NAV3: variants seen among roughly 807,000 people sequenced by gnomAD.
The protein encoded by NAV3 is pore membrane and/or filament interacting like protein 1.
In NAV3, 87 loss-of-function variants were observed where a neutral mutation model predicts 244.7. The ratio of observed to expected loss-of-function variants is 0.36; its 90% CI spans 0.30 to 0.42. The LOEUF is 0.42. Ranked by LOEUF, NAV3 falls within the 20% of genes least tolerant of loss-of-function variation. NAV3 has a pLI of 1.00. For synonymous variants in NAV3, 1,126 were observed against 1,042.2 expected (o/e 1.08, Z -1.55); for missense variants, 2,663 against 2,893.3 (o/e 0.92, Z 1.83).
intron 2 of NAV3, among the ~76,000 whole-genome samples, chr12:77,674,104 C>T (rs1243966273): frequency 6.6e-6 from 1 of 152,110 alleles, no homozygotes; most frequent in African/African-American, 2.4e-5. Flanking sequence ...TGCTGTCTTA[C>T]AGAGCCATAA....
chr12:78,063,107 C>G (rs1395930571), intron 12 of NAV3, among the ~76,000 whole-genome samples: 2 of 152,100 alleles, frequency 1.3e-5, no homozygotes, highest in Non-Finnish European at 2.9e-5. Flanking sequence ...ATTCCTCTTA[C>G]CAGCACATTA....
intron 2 of NAV3, among the ~76,000 whole-genome samples, chr12:77,669,978 CAAAA>C (rs955372620): frequency 6.6e-6 from 1 of 150,920 alleles, no homozygotes; most frequent in Non-Finnish European, 1.5e-5. Context: ...TTGAAACAAA[CAAAA>C]AAAATACAAA....
At chr12:77,782,960 C>T (rs73418704) in intron 2 of NAV3, among the ~76,000 whole-genome samples, 1,527 of 152,048 alleles carry the variant, frequency 0.01, 18 homozygotes, top group Middle Eastern at 0.034. Context: ...CTCTCTGGGG[C>T]GTGAGGTGAA....
At chr12:77,923,855 G>C (rs1238867256) in intron 1 of NAV3, among the ~76,000 whole-genome samples, 1 of 152,088 alleles carries the variant, frequency 6.6e-6, no homozygotes, top group Admixed American at 6.6e-5. Context: ...ATGCTCAGAA[G>C]ATGCTATTAA....
intron 21 of NAV3, among the ~76,000 whole-genome samples, chr12:78,147,319 T>C (rs1012205007): frequency 6.6e-6 from 1 of 152,080 alleles, no homozygotes; most frequent in Non-Finnish European, 1.5e-5. Flanking sequence ...TACTGAAGCA[T>C]CGAAATGCTA....
chr12:78,185,486 A>T, intron 30 of NAV3, 115 bp from the exon 31 acceptor site: 1 of 859,946 alleles, frequency 1.2e-6, no homozygotes, highest in Non-Finnish European at 1.8e-6. Context: ...TTAGGCTAGA[A>T]TGGGAAGCAA....
At chr12:77,578,151 GA>G (rs753017868) in intron 2 of NAV3, among the ~76,000 whole-genome samples, 5 of 152,100 alleles carry the variant, frequency 3.3e-5, no homozygotes, top group African/African-American at 7.2e-5. Flanking sequence ...CTGCAAAGTT[GA>G]AAAAATCAAC....
At chr12:77,737,028 G>A (rs896598185) in intron 2 of NAV3, among the ~76,000 whole-genome samples, 11 of 151,974 alleles carry the variant, frequency 7.2e-5, no homozygotes, top group African/African-American at 2.7e-4. Context: ...CTTCTAACTT[G>A]AAGAGGGTAA....
chr12:77,673,026 G>C (rs1320919060), intron 2 of NAV3, among the ~76,000 whole-genome samples: 1 of 152,026 alleles, frequency 6.6e-6, no homozygotes, highest in Non-Finnish European at 1.5e-5. Flanking sequence ...AGAATTCTTA[G>C]TGTTGTAGAA....
At chr12:77,797,564 C>T (rs1296418570) in intron 2 of NAV3, among the ~76,000 whole-genome samples, 3 of 132,028 alleles carry the variant, frequency 2.3e-5, no homozygotes, top group African/African-American at 5.7e-5. Context: ...TAGCTTAGGC[C>T]GGGCGTGGTG....
chr12:77,778,199 T>A (rs7953713), intron 2 of NAV3, among the ~76,000 whole-genome samples: 3 of 127,204 alleles, frequency 2.4e-5, no homozygotes, highest in Non-Finnish European at 3.3e-5. Context: ...TCCTCTCCCC[T>A]CCTCTCCCCT....
intron 2 of NAV3, among the ~76,000 whole-genome samples, chr12:77,768,449 G>A (rs1182790362): frequency 4.6e-5 from 7 of 152,288 alleles, no homozygotes; most frequent in East Asian, 1.9e-4. Context: ...GTGCCCCCTC[G>A]GCCTCCCTTC....
At chr12:77,653,054 T>C (rs1321813848) in intron 2 of NAV3, among the ~76,000 whole-genome samples, 1 of 152,230 alleles carries the variant, frequency 6.6e-6, no homozygotes, top group Non-Finnish European at 1.5e-5. Flanking sequence ...ATACAGAAGA[T>C]AAAACAGATT....
intron 9 of NAV3, among the ~76,000 whole-genome samples, chr12:78,046,800 C>G (rs192971578): frequency 2.7e-4 from 41 of 152,206 alleles, no homozygotes; most frequent in African/African-American, 9.6e-4. Flanking sequence ...AATTTTCTGT[C>G]TCATTGATCT....
At chr12:77,969,607 G>A (rs932764882) in intron 5 of NAV3, among the ~76,000 whole-genome samples, 1 of 152,180 alleles carries the variant, frequency 6.6e-6, no homozygotes, top group Non-Finnish European at 1.5e-5. Context: ...AGCACTTTGG[G>A]AGGCCGAGGT....
At chr12:77,816,037 A>T (rs189398378) in intron 2 of NAV3, among the ~76,000 whole-genome samples, 11 of 152,326 alleles carry the variant, frequency 7.2e-5, no homozygotes, top group African/African-American at 2.6e-4. Context: ...GGGAAATACA[A>T]GATAGAATTT....
chr12:77,745,301 G>T (rs778315778), intron 2 of NAV3, among the ~76,000 whole-genome samples: 10 of 151,996 alleles, frequency 6.6e-5, no homozygotes, highest in Admixed American at 2.6e-4. Context: ...GGACCACTTA[G>T]CCAGGTGGCA....
At chr12:77,868,229 C>T (rs1374001296) in intron 1 of NAV3, among the ~76,000 whole-genome samples, 1 of 151,928 alleles carries the variant, frequency 6.6e-6, no homozygotes, top group African/African-American at 2.4e-5. Flanking sequence ...AAAACAACAA[C>T]AACAACAACA....
At chr12:77,814,900 T>A (rs1424397829) in intron 2 of NAV3, among the ~76,000 whole-genome samples, 2 of 152,140 alleles carry the variant, frequency 1.3e-5, no homozygotes, top group African/African-American at 2.4e-5. Context: ...GAAGAGATAT[T>A]TTTTTCTTTT....
Sources: allele counts gnomAD v4.1 joint callset (sites outside exome capture counted in the v4.1 genomes callset), GRCh38; gene constraint gnomAD v4.1.1; transcripts MANE v1.5; gene names NCBI Gene and HGNC (gene_info 2026-07-23, HGNC 2026-07-21).